The following TNFAIP2 variants were observed in gnomAD, a reference collection of about 807,000 sequenced individuals.
The protein encoded by TNFAIP2 is TNF alpha induced protein 2.
A neutral mutation model predicts 63.5 loss-of-function variants in TNFAIP2; 47 were observed. The ratio of observed to expected loss-of-function variants is 0.74; its 90% CI spans 0.59 to 0.94. TNFAIP2 has a LOEUF of 0.94. Ranked by LOEUF, TNFAIP2 falls within the 40% of genes least tolerant of loss-of-function variation. The pLI is 0.00. For missense variants in TNFAIP2, 787 were observed against 850.2 expected (o/e 0.93, Z 0.92); for synonymous variants, 405 against 390.2 (o/e 1.04, Z -0.45).
At chr14:103,132,694 G>T in intron 8 of TNFAIP2, 56 bp from the exon 9 acceptor site, 1 of 1,582,274 alleles carries the variant, frequency 6.3e-7, no homozygotes, top group Non-Finnish European at 8.6e-7. Flanking sequence ...CGTGTCTGCG[G>T]CTGGCAGCCC....
rs551181178 is a variant in TNFAIP2 at position 103,133,373 on chromosome 14, G to A, written c.1557G>A (p.Glu519=). 5 of 1,613,566 alleles carry A rather than the reference G, an allele frequency of 3.1e-6. No individual in the cohort carries two copies. In the South Asian group the frequency reaches 5.5e-5, roughly 18 times the overall value. ...GCTTGCCCTCCCAGGAGCTCATGGA[G>A]GCCTTGCACCTGCACCTGGTGAAGG... ...LQGCFREELM[E]ALHLHLVKEY... is the part of the protein sequence containing the mutation. Residue 519 remains glutamate (E), a synonymous_variant, in exon 10 of 12, where the codon GAG becomes GAA. Transcript: ENST00000560869.
In TNFAIP2 at chr14:103,126,858, C is replaced by G; in HGVS notation, c.236-147C>G. 2.2e-6 allele frequency: 3 copies of G among 1,363,322 alleles called. No individual in the cohort carries two copies. In the South Asian group the frequency reaches 4.6e-5, roughly 21 times the overall value. The allele number at this position is 1,363,322 out of a possible 1,614,324, so 84.5% of individuals were successfully genotyped here. ...ATCTGGGGGGCTGGGAGGCCTTCAG[C>G]CTAGTCAGGGACACCGACATCACCC... On this transcript the variant is annotated intron_variant, in intron 2 of 11. Transcript: ENST00000560869.
At chr14:103,128,670 A>C (rs1393901935) in intron 3 of TNFAIP2, among the ~76,000 whole-genome samples, 1 of 152,024 alleles carries the variant, frequency 6.6e-6, no homozygotes, top group Non-Finnish European at 1.5e-5. Flanking sequence ...GGATAGAGAA[A>C]GGGTCCAGTG....
In TNFAIP2 at chr14:103,135,095, A is replaced by C; in HGVS notation, c.1824-124A>C. On this transcript the variant is annotated intron_variant, in intron 11 of 11. Coordinates refer to ENST00000560869, the MANE Select transcript of TNFAIP2 (RefSeq NM_006291.4). The surrounding 1 kb of genome is among the most constrained non-coding windows in gnomAD (Gnocchi z 7.6). ...GGAGGGCATGGGTGAGGGAGAGTGA[A>C]GTGCAGCCCCCTCGTGGGCCGGGCG... 8.4e-7 allele frequency: 1 copy of C among 1,196,278 alleles called. No individual in the cohort carries two copies. The highest frequency in any genetic ancestry group is 1.2e-6 in the Non-Finnish European group (1 of 821,866). The allele number at this position is 1,196,278 out of a possible 1,614,324, so 74.1% of individuals were successfully genotyped here. A position where few individuals can be genotyped will look rare whatever the true frequency, so the allele number is the denominator to read the frequency against.
At chr14:103,129,054 G>T (rs1346626841) in intron 3 of TNFAIP2, among the ~76,000 whole-genome samples, 4 of 152,238 alleles carry the variant, frequency 2.6e-5, no homozygotes. Context: ...CTTAGGAAGT[G>T]CCAGGGCTGG....
Position 103,132,781 on chromosome 14 carries a change from G to A in TNFAIP2, c.1454G>A (p.Trp485Ter). ...PLFKRFTHTR[W>*]AAPVETLENI... ...TTCAAGAGGTTCACGCACACCCGCT[G>A]GGCGGCCCCTGTGGAGACCCTGGAA... Residue 485 changes from tryptophan to a stop codon, truncating the protein, a stop_gained, in exon 9 of 12, where the codon TGG becomes TAG. Coordinates refer to ENST00000560869, the MANE Select transcript of TNFAIP2 (RefSeq NM_006291.4). LOFTEE classifies it high-confidence loss of function. 1 of 1,613,846 alleles carries A rather than the reference G, an allele frequency of 6.2e-7. No individual in the cohort carries two copies. The highest frequency in any genetic ancestry group is 8.5e-7 in the Non-Finnish European group (1 of 1,179,910).
Position 103,133,353 on chromosome 14 carries a change from C to T in TNFAIP2, c.1546-9C>T, listed in dbSNP as rs1469648913. ...CAGCTCACACGCCCCTGGCTGCTTG[C>T]CCTCCCAGGAGCTCATGGAGGCCTT... On this transcript the variant is annotated splice_polypyrimidine_tract_variant and intron_variant, in intron 9 of 11. Coordinates refer to ENST00000560869, the MANE Select transcript of TNFAIP2 (RefSeq NM_006291.4). 1.9e-6 allele frequency: 3 copies of T among 1,611,832 alleles called. No individual in the cohort carries two copies. Among genetic ancestry groups the T allele is most frequent in the South Asian group, 1.1e-5 (1 of 90,946 alleles).
chr14:103,127,283 G>C lies in TNFAIP2; in HGVS notation c.514G>C (p.Gly172Arg), dbSNP rs1814642748. Residue 172 changes from glycine to arginine, a missense_variant, in exon 3 of 12, where the codon GGG becomes CGG. This residue lies in a region of TNFAIP2 where 258 missense variants were observed against 228.9 expected (regional missense o/e 1.13). Transcript: ENST00000560869. This position sits in a 1 kb window ranked among gnomAD's most constrained non-coding sequence, Gnocchi z 5.1. ...EREDRQAAAA[G>R]PGTSGLAATR... ...CGAGGACCGCCAGGCGGCGGCGGCGGGGCCGGGGACCTCGGGGCTGGCGGC... is the reference window on the plus strand; with the variant it reads ...CGAGGACCGCCAGGCGGCGGCGGCGCGGCCGGGGACCTCGGGGCTGGCGGC... 5 of 990,804 alleles carry C rather than the reference G, an allele frequency of 5.0e-6. No homozygotes were observed. The highest frequency in any genetic ancestry group is 6.0e-6 in the Non-Finnish European group (5 of 835,162). 61.4% of individuals were successfully genotyped at this position (990,804 alleles called of 1,614,324 possible).
rs752945687 is a variant in TNFAIP2 at position 103,133,664 on chromosome 14, C to G, written c.1702-18C>G. 1.3e-6 allele frequency: 2 copies of G among 1,553,144 alleles called. No individual in the cohort carries two copies. The highest frequency in any genetic ancestry group is 2.4e-5 in the South Asian group (2 of 82,908). ...CCTCTGGACCCCTGGGTCCCTCCAACCACACCCACTCCTGCAGGGCTCCCC... is the reference window on the plus strand; with the variant it reads ...CCTCTGGACCCCTGGGTCCCTCCAAGCACACCCACTCCTGCAGGGCTCCCC... On this transcript the variant is annotated intron_variant, in intron 10 of 11. Coordinates refer to ENST00000560869, the MANE Select transcript of TNFAIP2 (RefSeq NM_006291.4).
chr14:103,135,460 G>T lies in TNFAIP2; in HGVS notation c.*100G>T. Reference sequence around the variant, plus strand: ...AGCGCTGGTTCTCGGTTCCTCCCGGGTCTCCTGTGCTCTGATGCTACTTCT... The same window carrying T: ...AGCGCTGGTTCTCGGTTCCTCCCGGTTCTCCTGTGCTCTGATGCTACTTCT... On this transcript the variant is annotated 3_prime_UTR_variant, in exon 12 of 12. Coordinates refer to ENST00000560869, the MANE Select transcript of TNFAIP2 (RefSeq NM_006291.4). The surrounding 1 kb of genome is among the most constrained non-coding windows in gnomAD (Gnocchi z 7.6). The T allele has an allele frequency of 6.6e-7, 1 of 1,512,448 alleles. No individual in the cohort carries two copies. 93.7% of individuals were successfully genotyped at this position (1,512,448 alleles called of 1,614,324 possible).
Position 103,131,179 on chromosome 14 carries a change from G to T in TNFAIP2, c.1298+29G>T. 6.2e-7 allele frequency: 1 copy of T among 1,611,176 alleles called. No homozygotes were observed. On this transcript the variant is annotated intron_variant, in intron 7 of 11. Transcript: ENST00000560869. The surrounding 1 kb of genome is among the most constrained non-coding windows in gnomAD (Gnocchi z 4.0). Reference sequence around the variant, plus strand: ...AGAGTGTTGGGAGGGGCTTGCGGGAGTGGGAGTCACTCAGCGGGCAGGAGA... The same window carrying T: ...AGAGTGTTGGGAGGGGCTTGCGGGATTGGGAGTCACTCAGCGGGCAGGAGA...
chr14:103,130,300 A>G lies in TNFAIP2; in HGVS notation c.1099-15A>G. 1 of 1,544,620 alleles carries G rather than the reference A, an allele frequency of 6.5e-7. No homozygotes were observed. The highest frequency in any genetic ancestry group is 8.7e-7 in the Non-Finnish European group (1 of 1,143,350). ...AGGCGAGCCCCTGCTCAGCTCACCC[A>G]CCACCACCCTGCAGATCACCTCCCA... On this transcript the variant is annotated splice_polypyrimidine_tract_variant and intron_variant, in intron 5 of 11. Coordinates refer to ENST00000560869, the MANE Select transcript of TNFAIP2 (RefSeq NM_006291.4).
At position 103,132,813 on chromosome 14, in the gene TNFAIP2, A is replaced by G; in HGVS notation, c.1486A>G (p.Ile496Val). Reference sequence around the variant, plus strand: ...CCCTGTGGAGACCCTGGAAAACATCATCGCCACTGTAGACACGAGGCTGCC... The same window carrying G: ...CCCTGTGGAGACCCTGGAAAACATCGTCGCCACTGTAGACACGAGGCTGCC... ...AAPVETLENI[I>V]ATVDTRLPEF... The change falls in exon 9 of 12, where the codon ATC (isoleucine) becomes GTC (valine). Residue 496 changes from isoleucine (I) to valine (V), a missense_variant. This residue lies in a region of TNFAIP2 where 523 missense variants were observed against 604.1 expected (regional missense o/e 0.87). Transcript: ENST00000560869. 6.2e-7 allele frequency: 1 copy of G among 1,614,074 alleles called. No individual in the cohort carries two copies. The highest frequency in any genetic ancestry group is 1.1e-5 in the South Asian group (1 of 91,042).
In TNFAIP2 at chr14:103,129,735, T is replaced by G. The variant is rs779907572; in HGVS notation, c.861-5T>G. On this transcript the variant is annotated splice_polypyrimidine_tract_variant and splice_region_variant and intron_variant, in intron 3 of 11. Transcript: ENST00000560869. ...TGTCCTCATGCCAGCCTCCCCTGCCTGCAGTGACATCATCAACAGCCCCAA... is the reference window on the plus strand; with the variant it reads ...TGTCCTCATGCCAGCCTCCCCTGCCGGCAGTGACATCATCAACAGCCCCAA... 6.2e-7 allele frequency: 1 copy of G among 1,613,126 alleles called. No individual in the cohort carries two copies. The highest frequency in any genetic ancestry group is 8.5e-7 in the Non-Finnish European group (1 of 1,179,216).
chr14:103,132,226 T>TA (rs1210333097), intron 8 of TNFAIP2, among the ~76,000 whole-genome samples: 3 of 152,140 alleles, frequency 2.0e-5, no homozygotes, highest in African/African-American at 7.2e-5. Context: ...GCTGGGGTTA[T>TA]ATCTGTTATG....
Position 103,133,549 on chromosome 14 carries a change from C to G in TNFAIP2, c.1701+32C>G, listed in dbSNP as rs376723192. The G allele has an allele frequency of 5.4e-4, 868 of 1,606,946 alleles. 1 individual carries two copies. Among genetic ancestry groups the G allele is most frequent in the Admixed American group, 7.4e-4 (44 of 59,666 alleles). On this transcript the variant is annotated intron_variant, in intron 10 of 11. Transcript: ENST00000560869. ...CGCTGCCCACCTCTCCCAAGCCCCT[C>G]TGAAATGGCTGCCTCTTCTCCCCTA...
At chr14:103,126,935 C>T in intron 2 of TNFAIP2, 70 bp from the exon 3 acceptor site, 3 of 1,335,448 alleles carry the variant, frequency 2.2e-6, no homozygotes, top group South Asian at 1.8e-5. Context: ...GACGGTCCCG[C>T]TTGGCGCTGG....
Position 103,127,275 on chromosome 14 carries a change from C to G in TNFAIP2, c.506C>G (p.Ala169Gly), listed in dbSNP as rs1351334293. 1.0e-6 allele frequency: 1 copy of G among 994,508 alleles called. No homozygotes were observed. The highest frequency in any genetic ancestry group is 6.2e-5 in the Admixed American group (1 of 16,138). 61.6% of individuals were successfully genotyped at this position (994,508 alleles called of 1,614,324 possible). Residue 169 changes from alanine to glycine, a missense_variant, in exon 3 of 12, where the codon GCG (alanine) becomes GGG (glycine). By Grantham distance (60) the Ala-to-Gly change is moderately conservative. Transcript: ENST00000560869. The surrounding 1 kb of genome is among the most constrained non-coding windows in gnomAD (Gnocchi z 5.1). The stretch of plus-strand genomic sequence containing the variant: ...CAGGAGCGCGAGGACCGCCAGGCGG[C>G]GGCGGCGGGGCCGGGGACCTCGGGG... ...AEQEREDRQAAAAGPGTSGLA... is the reference protein window; with the variant it reads ...AEQEREDRQAGAAGPGTSGLA...
At chr14:103,121,730 G>A (rs943111906), upstream of TNFAIP2, among the ~76,000 whole-genome samples, 1 of 152,218 alleles carries the variant, frequency 6.6e-6, no homozygotes, top group Non-Finnish European at 1.5e-5. Context: ...CGTCAGTGGG[G>A]GACAAGGGTG....
Sources: gnomAD v4.1 joint callset for allele counts (sites outside exome capture counted in the v4.1 genomes callset) on GRCh38, gnomAD v4.1.1 for gene constraint, gnomAD v4.1.1 regional missense constraint, Gnocchi (gnomAD v3.1) non-coding constraint, MANE v1.5 for transcripts, NCBI Gene and HGNC (gene_info 2026-07-23, HGNC 2026-07-21) for gene names.